CSMD1: variants seen among roughly 807,000 people sequenced by gnomAD.
CSMD1 encodes the protein CUB and sushi domain-containing protein 1.
CSMD1 carries 213 observed loss-of-function variants against 417.5 expected under a neutral mutation model. The ratio of observed to expected loss-of-function variants is 0.51; its 90% CI spans 0.46 to 0.57. The LOEUF is 0.57. Ranked by LOEUF, CSMD1 falls within the 20% of genes least tolerant of loss-of-function variation. The pLI is 0.00. For missense variants in CSMD1, 6,923 were observed against 4,529.7 expected (o/e 1.53, Z -15.17); for synonymous variants, 2,862 against 1,736.8 (o/e 1.65, Z -16.11).
Position 3,233,161 on chromosome 8 carries a change from C to T in CSMD1, c.4154-2930G>A, listed in dbSNP as rs900173338. On this transcript the variant is annotated intron_variant, in intron 26 of 69. Coordinates refer to ENST00000635120, the MANE Select transcript of CSMD1 (RefSeq NM_033225.6). ...TAAATACTATGGCTTGACTATTTGT[C>T]TCCTCAAAAACTTACGTTGAAATGT... Among the ~76,000 whole-genome samples, 4 of 151,784 alleles carry T rather than the reference C, an allele frequency of 2.6e-5. No individual in the cohort carries two copies. In the East Asian group the frequency reaches 7.7e-4, roughly 29 times the overall value.
chr8:4,150,413 C>T (rs1231438586), intron 3 of CSMD1, among the ~76,000 whole-genome samples: 1 of 152,206 alleles, frequency 6.6e-6, no homozygotes, highest in African/African-American at 2.4e-5. Flanking sequence ...ACTCTCTTAT[C>T]TTTGGATGGC....
In CSMD1 at chr8:4,468,228, G is replaced by A. The variant is rs114409786; in HGVS notation, c.303-48163C>T. Among the ~76,000 whole-genome samples, 710 of 152,298 alleles carry A rather than the reference G, an allele frequency of 4.7e-3. 4 individuals carry two copies. Among genetic ancestry groups the A allele is most frequent in the African/African-American group, 0.016 (658 of 41,562 alleles). On this transcript the variant is annotated intron_variant, in intron 2 of 69. Transcript: ENST00000635120. ...CAGCAGTGCCTGGGGCATGCCTGGG[G>A]AAAGGAAGGAGAGCTGGCTGACTTC...
At chr8:4,227,794 A>G (rs1801448514) in intron 3 of CSMD1, among the ~76,000 whole-genome samples, 1 of 150,622 alleles carries the variant, frequency 6.6e-6, no homozygotes, top group Non-Finnish European at 1.5e-5. Context: ...CACACCCTCC[A>G]TCCTACAGTC....
At chr8:4,498,663 G>C (rs1046030202) in intron 2 of CSMD1, among the ~76,000 whole-genome samples, 2 of 152,124 alleles carry the variant, frequency 1.3e-5, no homozygotes, top group Non-Finnish European at 2.9e-5. Flanking sequence ...TGCAAAGAGG[G>C]AGCTCATGTT....
chr8:3,212,543 G>T (rs1397519035), intron 30 of CSMD1, among the ~76,000 whole-genome samples: 1 of 152,036 alleles, frequency 6.6e-6, no homozygotes, highest in Non-Finnish European at 1.5e-5. Context: ...TGGTAGAGAT[G>T]GGGTTTTGTC....
intron 23 of CSMD1, among the ~76,000 whole-genome samples, chr8:3,334,664 G>C (rs1004220445): frequency 2.6e-5 from 4 of 152,178 alleles, no homozygotes; most frequent in African/African-American, 9.7e-5. Flanking sequence ...TTTACTTATT[G>C]TGGCAAAAAC....
At chr8:3,286,485 C>G (rs1194973621) in intron 25 of CSMD1, among the ~76,000 whole-genome samples, 1 of 152,050 alleles carries the variant, frequency 6.6e-6, no homozygotes, top group African/African-American at 2.4e-5. Context: ...CTCTCCAGCA[C>G]CTGTTTTTTC....
chr8:3,083,181 T>C (rs1255484500), intron 49 of CSMD1, among the ~76,000 whole-genome samples: 2 of 152,084 alleles, frequency 1.3e-5, no homozygotes, highest in African/African-American at 4.8e-5. Flanking sequence ...ATATATTAAC[T>C]CTCTTTAAAC....
chr8:3,951,717 G>C (rs948102447), intron 5 of CSMD1, among the ~76,000 whole-genome samples: 3 of 152,052 alleles, frequency 2.0e-5, no homozygotes, highest in Non-Finnish European at 4.4e-5. Flanking sequence ...GACTTCATGG[G>C]TATTAACAAC....
At chr8:4,277,316 G>A (rs1189797994) in intron 3 of CSMD1, among the ~76,000 whole-genome samples, 1 of 151,984 alleles carries the variant, frequency 6.6e-6, no homozygotes, top group East Asian at 1.9e-4. Context: ...TGAAGGGAAC[G>A]GGACTGACTT....
chr8:3,444,132 G>T (rs892803243), intron 12 of CSMD1, among the ~76,000 whole-genome samples: 6 of 152,042 alleles, frequency 3.9e-5, no homozygotes, highest in South Asian at 2.1e-4. Context: ...GAAAGAACAA[G>T]AAATCAAGCA....
At chr8:3,784,856 C>G (rs1264065049) in intron 5 of CSMD1, among the ~76,000 whole-genome samples, 2 of 152,170 alleles carry the variant, frequency 1.3e-5, no homozygotes, top group Admixed American at 6.5e-5. Context: ...ATGAAATCAT[C>G]ACAATACTGA....
intron 5 of CSMD1, among the ~76,000 whole-genome samples, chr8:3,902,879 A>G (rs547615938): frequency 1.3e-5 from 2 of 152,198 alleles, no homozygotes; most frequent in East Asian, 1.9e-4. Flanking sequence ...CTTTCCTTCC[A>G]TCTAACAGCC....
At chr8:4,461,711 C>T (rs1799832588) in intron 2 of CSMD1, among the ~76,000 whole-genome samples, 1 of 150,238 alleles carries the variant, frequency 6.7e-6, no homozygotes, top group African/African-American at 2.5e-5. Context: ...CCACCATAGC[C>T]AGCTCATCTT....
intron 1 of CSMD1, among the ~76,000 whole-genome samples, chr8:4,873,217 G>A (rs1014483530): frequency 1.3e-5 from 2 of 152,092 alleles, no homozygotes; most frequent in Admixed American, 6.6e-5. Flanking sequence ...AATTATTGGG[G>A]TTTGGTGGTG....
chr8:4,664,840 G>C (rs552311114), intron 1 of CSMD1, among the ~76,000 whole-genome samples: 57 of 152,050 alleles, frequency 3.7e-4, no homozygotes, highest in Middle Eastern at 3.4e-3. Context: ...ATTTCAAATG[G>C]ATTACATCCA....
At chr8:2,942,342 T>TAA in intron 69 of CSMD1, 130 bp downstream of exon 69, 169 of 709,500 alleles carry the variant, frequency 2.4e-4, no homozygotes, top group South Asian at 3.5e-4. Flanking sequence ...AAAGTTGATT[T>TAA]AAAAAAAAAA....
At chr8:3,378,930 T>C (rs1563327686) in intron 18 of CSMD1, among the ~76,000 whole-genome samples, 1 of 152,146 alleles carries the variant, frequency 6.6e-6, no homozygotes, top group African/African-American at 2.4e-5. Context: ...GAAAACGCAT[T>C]CAAATAGGAA....
chr8:4,195,657 G>A (rs113986075), intron 3 of CSMD1, among the ~76,000 whole-genome samples: 5 of 152,268 alleles, frequency 3.3e-5, no homozygotes, highest in African/African-American at 1.2e-4. Flanking sequence ...GCTCCTTCTA[G>A]GCATGATGAA....
Sources: gnomAD v4.1 joint callset for allele counts (sites outside exome capture counted in the v4.1 genomes callset) on GRCh38, gnomAD v4.1.1 for gene constraint, MANE v1.5 for transcripts, NCBI Gene and HGNC (gene_info 2026-07-23, HGNC 2026-07-21) for gene names.